Variants in ZNF37A observed in about 807,000 individuals in gnomAD.
ZNF37A encodes the protein zinc finger protein 37a (KOX 21).
In ZNF37A, 10 loss-of-function variants were observed where a neutral mutation model predicts 12.3. The observed-to-expected ratio is 0.82, with a 90% CI of 0.50 to 1.38. The LOEUF (loss-of-function observed/expected upper bound fraction) is 1.38, where lower values mean the gene tolerates loss of function less well. Among genes scored for constraint, ZNF37A ranks in the 40% most tolerant of loss-of-function variants. The pLI is 0.00. For missense variants in ZNF37A, 580 were observed against 651.2 expected, an observed-to-expected ratio of 0.89 and a Z score of 1.19; for synonymous variants, 207 against 223.0, an observed-to-expected ratio of 0.93 and a Z score of 0.64.
chr10:38,101,779 T>C (rs539595994), intron 5 of ZNF37A, among the ~76,000 whole-genome samples: 1 of 151,748 alleles, frequency 6.6e-6, no homozygotes, highest in African/African-American at 2.4e-5. Context: ...AGTTGGATCA[T>C]ATATTTGTAT....
chr10:38,146,387 G>A (rs957909894), intron 7 of ZNF37A, among the ~76,000 whole-genome samples: 5 of 152,198 alleles, frequency 3.3e-5, no homozygotes, highest in African/African-American at 1.2e-4. Flanking sequence ...GATTACAGGT[G>A]TGACCACCAT....
chr10:38,096,181 A>G (rs2067141800), intron 4 of ZNF37A, among the ~76,000 whole-genome samples: 2 of 152,074 alleles, frequency 1.3e-5, no homozygotes, highest in Admixed American at 1.3e-4. Context: ...GCAAACAAAC[A>G]AACAAAAAAA....
At chr10:38,135,004 T>C (rs1397287722) in intron 7 of ZNF37A, among the ~76,000 whole-genome samples, 1 of 152,266 alleles carries the variant, frequency 6.6e-6, no homozygotes, top group African/African-American at 2.4e-5. Flanking sequence ...TCTTTAGATA[T>C]CTACTTGGTA....
Position 38,118,865 on chromosome 10 carries a change from T to C in ZNF37A, c.*28T>C, listed in dbSNP as rs754090051. On this transcript the variant is annotated 3_prime_UTR_variant, in exon 8 of 8. Coordinates refer to ENST00000685332, the MANE Select transcript of ZNF37A (RefSeq NM_001324250.3). Reference sequence around the variant, plus strand: ...TCAGAACTTTGTAGAACACAGAACATAAAGGGTGAGAGAAATCTGTTAATA... The same window carrying C: ...TCAGAACTTTGTAGAACACAGAACACAAAGGGTGAGAGAAATCTGTTAATA... 6.5e-7 allele frequency: 1 copy of C among 1,530,390 alleles called. No homozygotes were observed. The highest frequency in any genetic ancestry group is 8.7e-7 in the Non-Finnish European group (1 of 1,144,514). 94.8% of individuals were successfully genotyped at this position (1,530,390 alleles called of 1,614,324 possible). A position where few individuals can be genotyped will look rare whatever the true frequency, so the allele number is the denominator to read the frequency against.
Position 38,119,151 on chromosome 10 carries a change from G to A in ZNF37A, c.*314G>A, listed in dbSNP as rs2069536694. ...ACCTGGGTCAGCATCCCTAGGTTGA[G>A]AAGGGATGCATTTTTCTGCTACTAC... On this transcript the variant is annotated 3_prime_UTR_variant, in exon 8 of 8. Transcript: ENST00000685332. 3 of 1,046,518 alleles carry A rather than the reference G, an allele frequency of 2.9e-6. No individual in the cohort carries two copies. Among genetic ancestry groups the A allele is most frequent in the Non-Finnish European group, 3.5e-6 (3 of 864,046 alleles). 64.8% of individuals were successfully genotyped at this position (1,046,518 alleles called of 1,614,324 possible). A position where few individuals can be genotyped will look rare whatever the true frequency, so the allele number is the denominator to read the frequency against.
chr10:38,148,883 G>A (rs770476537), exon 8 of ZNF37A: 2 of 150,962 alleles, frequency 1.3e-5, no homozygotes, highest in African/African-American at 4.9e-5. Context: ...TGTCACCCAG[G>A]TTGGAGTGCA....
Position 38,119,091 on chromosome 10 carries a change from C to T in ZNF37A, c.*254C>T. The T allele has an allele frequency of 1.7e-6, 2 of 1,148,344 alleles. No homozygotes were observed. The highest frequency in any genetic ancestry group is 4.3e-5 in the Admixed American group (1 of 23,118). The allele number at this position is 1,148,344 out of a possible 1,614,324, so 71.1% of individuals were successfully genotyped here. ...AGGAAACATTTTGCCCAATGCCACT[C>T]TTCATTAAACATCAGAGAATTCACA... is the stretch of plus-strand genomic sequence containing the variant. On this transcript the variant is annotated 3_prime_UTR_variant, in exon 8 of 8. Coordinates refer to ENST00000685332, the MANE Select transcript of ZNF37A (RefSeq NM_001324250.3).
intron 5 of ZNF37A, among the ~76,000 whole-genome samples, chr10:38,111,063 G>C (rs1202176334): frequency 6.6e-6 from 1 of 152,148 alleles, no homozygotes; most frequent in Admixed American, 6.6e-5. Flanking sequence ...GTTCACAATA[G>C]CAAAGACTTG....
Position 38,112,783 on chromosome 10 carries a change from T to TCTTGTCTTGTCTTGTCTTG in ZNF37A, c.16-1972_16-1971insCTTGTCTTGTCTTGTCTTG, listed in dbSNP as rs1564932429. ...TTCTTTTCTTTTCTTTTCTTTTCTT[T>TCTTGTCTTGTCTTGTCTTG]TCTTTTCTTTTCTTGTCTTGTCTTG... On this transcript the variant is annotated intron_variant, in intron 5 of 7. Transcript: ENST00000685332. 2.8e-4 allele frequency among the ~76,000 whole-genome samples: 16 copies of TCTTGTCTTGTCTTGTCTTG among 57,896 alleles called. 2 individuals carry two copies. The highest frequency in any genetic ancestry group is 8.0e-4 in the African/African-American group (13 of 16,324). 38.0% of individuals were successfully genotyped at this position (57,896 alleles called of 152,430 possible). A position where few individuals can be genotyped will look rare whatever the true frequency, so the allele number is the denominator to read the frequency against.
chr10:38,094,357 CG>C lies in ZNF37A; in HGVS notation c.-623del, dbSNP rs765263491. ...TGTGGGAGATGTAGTGTGCACTTTT[CG>C]GCCCCCGTCGCGGGAGCCGCTTCGG... On this transcript the variant is annotated 5_prime_UTR_variant, in exon 1 of 8. Coordinates refer to ENST00000685332, the MANE Select transcript of ZNF37A (RefSeq NM_001324250.3). The C allele has an allele frequency of 7.9e-5, 12 of 151,920 alleles. No homozygotes were observed. Among genetic ancestry groups the C allele is most frequent in the Admixed American group, 5.9e-4 (9 of 15,256 alleles). The allele number at this position is 151,920 out of a possible 1,614,324, so 9.4% of individuals were successfully genotyped here.
chr10:38,095,008 C>T lies in ZNF37A; in HGVS notation c.-414C>T. 1 of 152,702 alleles carries T rather than the reference C, an allele frequency of 6.5e-6. No individual in the cohort carries two copies. The highest frequency in any genetic ancestry group is 1.5e-5 in the Non-Finnish European group (1 of 68,342). The allele number at this position is 152,702 out of a possible 1,614,324, so 9.5% of individuals were successfully genotyped here. A position where few individuals can be genotyped will look rare whatever the true frequency, so the allele number is the denominator to read the frequency against. ...CTGTGGATTGGGGAATTTCTTGTTT[C>T]CACTGACCTGTGAGGCCGCGCACGC... On this transcript the variant is annotated 5_prime_UTR_variant, in exon 2 of 8. Coordinates refer to ENST00000685332, the MANE Select transcript of ZNF37A (RefSeq NM_001324250.3).
At chr10:38,096,127 C>A (rs527767824) in intron 4 of ZNF37A, among the ~76,000 whole-genome samples, 189 of 152,220 alleles carry the variant, frequency 1.2e-3, no homozygotes, top group Non-Finnish European at 2.4e-3. Context: ...TGCCATCGCA[C>A]TCCAGCCTGG....
At position 38,118,019 on chromosome 10, in the gene ZNF37A, C is replaced by G. The variant is rs771824380; in HGVS notation, c.868C>G (p.Gln290Glu). ...FTQKSAHTRHQRTHTGGKPYE... is the reference protein window; with the variant it reads ...FTQKSAHTRHERTHTGGKPYE... The stretch of plus-strand genomic sequence containing the variant: ...CCAGAAGTCAGCCCACACAAGACAT[C>G]AGAGAACACACACAGGGGGAAAACC... The change falls in exon 8 of 8, where the codon CAG (glutamine) becomes GAG (glutamate). Residue 290 changes from glutamine to glutamate, a missense_variant. Transcript: ENST00000685332. 1.2e-6 allele frequency: 2 copies of G among 1,614,096 alleles called. No homozygotes were observed. The highest frequency in any genetic ancestry group is 8.5e-7 in the Non-Finnish European group (1 of 1,180,028).
downstream of ZNF37A, among the ~76,000 whole-genome samples, chr10:38,130,351 T>G (rs1190438102): frequency 6.6e-6 from 1 of 152,222 alleles, no homozygotes; most frequent in African/African-American, 2.4e-5. Context: ...TGTACATATG[T>G]CTGTTCAGAT....
intron 5 of ZNF37A, among the ~76,000 whole-genome samples, chr10:38,109,850 A>T (rs139590108): frequency 0.013 from 2,018 of 152,356 alleles, 43 homozygotes; most frequent in African/African-American, 0.045. Context: ...AGAGGACACA[A>T]ACAAATGGAA....
chr10:38,112,147 T>G (rs202237693), intron 5 of ZNF37A, among the ~76,000 whole-genome samples: 2 of 146,494 alleles, frequency 1.4e-5, no homozygotes, highest in African/African-American at 2.5e-5. Flanking sequence ...AAAAAAAAAC[T>G]AAAAAAAAAC....
downstream of ZNF37A, among the ~76,000 whole-genome samples, chr10:38,126,210 C>T (rs2069923521): frequency 6.6e-6 from 1 of 152,238 alleles, no homozygotes. Context: ...ATCGTTAGGA[C>T]TCTCACATAG....
chr10:38,119,415 T>C lies in ZNF37A; in HGVS notation c.*578T>C. The C allele has an allele frequency of 1.0e-6, 1 of 987,084 alleles. No individual in the cohort carries two copies. Among genetic ancestry groups the C allele is most frequent in the Non-Finnish European group, 1.2e-6 (1 of 829,640 alleles). The allele number at this position is 987,084 out of a possible 1,614,324, so 61.1% of individuals were successfully genotyped here. On this transcript the variant is annotated 3_prime_UTR_variant, in exon 8 of 8. Transcript: ENST00000685332. ...GCATTTACTATGAGGTTATATTTTA[T>C]GGAGTATATGTAATAAGAAGTAGCT...
chr10:38,117,851 C>G lies in ZNF37A; in HGVS notation c.700C>G (p.Gln234Glu). The G allele has an allele frequency of 6.2e-7, 1 of 1,613,990 alleles. No homozygotes were observed. Among genetic ancestry groups the G allele is most frequent in the South Asian group, 1.1e-5 (1 of 91,080 alleles). The stretch of plus-strand genomic sequence containing the variant: ...CCAGAAGTTAAATCTCACTCCAATT[C>G]AGAGAACCCACTCAATTAACAATAT... ...FSQKLNLTPIQRTHSINNIIE... is the reference protein window; with the variant it reads ...FSQKLNLTPIERTHSINNIIE... The change falls in exon 8 of 8, where the codon CAG (glutamine) becomes GAG (glutamate). Residue 234 changes from glutamine (Q) to glutamate (E), a missense_variant. Coordinates refer to ENST00000685332, the MANE Select transcript of ZNF37A (RefSeq NM_001324250.3).
Sources: gnomAD v4.1 joint callset for allele counts (sites outside exome capture counted in the v4.1 genomes callset) on GRCh38, gnomAD v4.1.1 for gene constraint, MANE v1.5 for transcripts, NCBI Gene and HGNC (gene_info 2026-07-23, HGNC 2026-07-21) for gene names.